DPP6: variants seen among roughly 807,000 people sequenced by gnomAD.
DPP6 encodes dipeptidyl peptidase like 6, also known as A-type potassium channel modulatory protein DPP6.
A neutral mutation model predicts 122.6 loss-of-function variants in DPP6; 69 were observed. That is an observed-to-expected ratio of 0.56 (90% confidence interval 0.46 to 0.69). DPP6 has a LOEUF of 0.69. Ranked by LOEUF, DPP6 falls within the 30% of genes least tolerant of loss-of-function variation. The pLI, the probability that DPP6 is intolerant of heterozygous loss-of-function variation, is 0.00. For synonymous variants in DPP6, 418 were observed against 433.1 expected, an observed-to-expected ratio of 0.97 and a Z score of 0.43; for missense variants, 928 against 1,116.9, an observed-to-expected ratio of 0.83 and a Z score of 2.41.
At chr7:153,908,095 C>T (rs1054162224) in intron 1 of DPP6, among the ~76,000 whole-genome samples, 14 of 104,206 alleles carry the variant, frequency 1.3e-4, no homozygotes, top group South Asian at 3.5e-4. Context: ...TGATACAATT[C>T]TTTTTTAGCT....
At chr7:153,808,101 A>C in the DPP6 span, among the ~76,000 whole-genome samples, 5 of 150,754 alleles carry the variant, frequency 3.3e-5, no homozygotes, top group African/African-American at 7.4e-5. Flanking sequence ...ATTTAGGGTG[A>C]GCGATATGGT....
chr7:154,433,577 A>G (rs1043058633), intron 1 of DPP6, among the ~76,000 whole-genome samples: 1 of 152,056 alleles, frequency 6.6e-6, no homozygotes, highest in African/African-American at 2.4e-5. Context: ...TCTGCATTTG[A>G]CGTGCACACC....
intron 1 of DPP6, chr7:154,305,335 T>TGGGCCCCCCCC: frequency 9.8e-7 from 1 of 1,024,760 alleles, no homozygotes; most frequent in Non-Finnish European, 1.2e-6. Flanking sequence ...TCGTCTTGTC[T>TGGGCCCCCCCC]ACCCACCCTC....
At chr7:154,598,313 TA>T (rs1455585844) in intron 5 of DPP6, among the ~76,000 whole-genome samples, 1 of 152,188 alleles carries the variant, frequency 6.6e-6, no homozygotes, top group Non-Finnish European at 1.5e-5. Flanking sequence ...TTTTGGAAGG[TA>T]AAAAAGACAA....
chr7:154,110,211 G>A (rs1436574379), intron 1 of DPP6, among the ~76,000 whole-genome samples: 2 of 152,102 alleles, frequency 1.3e-5, no homozygotes, highest in African/African-American at 4.8e-5. Flanking sequence ...TCCAAATGAT[G>A]TTAAATGCAG....
chr7:154,748,579 CG>C (rs1488034069), intron 8 of DPP6, among the ~76,000 whole-genome samples: 1 of 152,222 alleles, frequency 6.6e-6, no homozygotes, highest in Non-Finnish European at 1.5e-5. Context: ...GCGAGCCCTG[CG>C]GGGCGGGGAG....
chr7:154,188,717 C>T (rs1029511408), intron 1 of DPP6, among the ~76,000 whole-genome samples: 5 of 152,194 alleles, frequency 3.3e-5, no homozygotes, highest in African/African-American at 9.6e-5. Context: ...CACCTGTACA[C>T]ACACAGACTC....
chr7:154,249,311 T>C (rs1802198204), intron 1 of DPP6, among the ~76,000 whole-genome samples: 1 of 152,218 alleles, frequency 6.6e-6, no homozygotes, highest in African/African-American at 2.4e-5. Flanking sequence ...AGAAATCACA[T>C]CTAACTTTCT....
In DPP6 at chr7:153,928,396, A is replaced by ATTTTTTTTTTTTTTTTTTT. The variant is rs71182854; in HGVS notation, c.51+40669_51+40687dup. On this transcript the variant is annotated intron_variant, in intron 1 of 25. Coordinates refer to the DPP6 transcript ENST00000404039. ...CTGGCTAATTTTTTTCTTTTCTTTC[A>ATTTTTTTTTTTTTTTTTTT]TTTTTTTTTTTTTTTTTTTTTTTTT... 2.2e-3 allele frequency among the ~76,000 whole-genome samples: 98 copies of ATTTTTTTTTTTTTTTTTTT among 43,688 alleles called. 21 individuals carry two copies. The highest frequency in any genetic ancestry group is 3.2e-3 in the Non-Finnish European group (73 of 22,860). The allele number at this position is 43,688 out of a possible 152,430, so 28.7% of individuals were successfully genotyped here.
At chr7:154,169,167 G>T (rs945559082) in intron 1 of DPP6, among the ~76,000 whole-genome samples, 2 of 152,156 alleles carry the variant, frequency 1.3e-5, no homozygotes, top group African/African-American at 4.8e-5. Flanking sequence ...GGGTCTCTGA[G>T]TAAAAAGGAG....
intron 1 of DPP6, among the ~76,000 whole-genome samples, chr7:154,219,671 C>T (rs1254633385): frequency 6.6e-6 from 1 of 152,106 alleles, no homozygotes. Flanking sequence ...CTGCAACCTC[C>T]ACCTCCTGGG....
At chr7:154,649,068 G>A (rs1403997634) in intron 6 of DPP6, among the ~76,000 whole-genome samples, 8 of 152,194 alleles carry the variant, frequency 5.3e-5, no homozygotes, top group Non-Finnish European at 7.4e-5. Flanking sequence ...CCAGGCGAGC[G>A]CTGCCATGCC....
At chr7:153,953,038 A>G (rs973021711) in intron 1 of DPP6, among the ~76,000 whole-genome samples, 5 of 152,234 alleles carry the variant, frequency 3.3e-5, no homozygotes, top group Non-Finnish European at 5.9e-5. Flanking sequence ...GGTGGGAGGA[A>G]GGGAGATAAA....
intron 15 of DPP6, among the ~76,000 whole-genome samples, chr7:154,806,242 A>T (rs1409111988): frequency 6.6e-6 from 1 of 152,254 alleles, no homozygotes; most frequent in Non-Finnish European, 1.5e-5. Flanking sequence ...CTCCTGGAAC[A>T]ACAGACTTCA....
intron 1 of DPP6, among the ~76,000 whole-genome samples, chr7:154,185,120 T>C (rs1269450936): frequency 6.6e-6 from 1 of 152,228 alleles, no homozygotes; most frequent in Admixed American, 6.5e-5. Context: ...GTCTTTGCAT[T>C]GTACTGTTAA....
chr7:154,538,499 A>C lies in DPP6; in HGVS notation c.458-2033A>C, dbSNP rs539738341. 3.3e-5 allele frequency among the ~76,000 whole-genome samples: 5 copies of C among 152,170 alleles called. No homozygotes were observed. In the East Asian group the frequency reaches 9.7e-4, roughly 29 times the overall value. The stretch of plus-strand genomic sequence containing the variant: ...TAAACAATCATTATGTTTCATGGTG[A>C]TCAGTAATGTGGGGGCGGGGTAGAA... On this transcript the variant is annotated intron_variant, in intron 3 of 25. Coordinates refer to ENST00000377770, the MANE Select transcript of DPP6 (RefSeq NM_130797.4).
At chr7:154,652,751 T>C (rs7787632) in intron 6 of DPP6, among the ~76,000 whole-genome samples, 76,730 of 151,868 alleles carry the variant, frequency 0.51, 21,128 homozygotes, top group East Asian at 0.63. Flanking sequence ...GTCTTCTGCA[T>C]GTTTTTCACA....
At chr7:154,586,919 CCTTA>C (rs1283648418) in intron 5 of DPP6, among the ~76,000 whole-genome samples, 1 of 152,214 alleles carries the variant, frequency 6.6e-6, no homozygotes, top group African/African-American at 2.4e-5. Context: ...AGGAACTGCT[CCTTA>C]CTTCTCTTTG....
At chr7:154,092,406 C>G (rs1350157859) in intron 1 of DPP6, 1 of 151,684 alleles carries the variant, frequency 6.6e-6, no homozygotes, top group Admixed American at 6.6e-5. Flanking sequence ...TGGGATCCAC[C>G]CAGGCCTCCA....
Sources: gnomAD v4.1 joint callset for allele counts (sites outside exome capture counted in the v4.1 genomes callset) on GRCh38, gnomAD v4.1.1 for gene constraint, MANE v1.5 for transcripts, NCBI Gene and HGNC (gene_info 2026-07-23, HGNC 2026-07-21) for gene names.